ZNG1B: variants seen among roughly 807,000 people sequenced by gnomAD.
ZNG1B encodes the protein zinc-regulated GTPase metalloprotein activator 1B.
chr2:113,453,645 CTTTAG>C, the ZNG1B span, among the ~76,000 whole-genome samples: 1 of 151,186 alleles, frequency 6.6e-6, no homozygotes, highest in African/African-American at 2.4e-5. Flanking sequence ...TCTTTTCACA[CTTTAG>C]TTTAATGATG....
At chr2:113,454,725 G>GT in the ZNG1B span, 4 of 1,573,770 alleles carry the variant, frequency 2.5e-6, no homozygotes, top group African/African-American at 2.7e-5. Context: ...TGATTAAAAT[G>GT]TTTTTTCCTT....
At chr2:113,489,627 C>T in the ZNG1B span, among the ~76,000 whole-genome samples, 4 of 152,116 alleles carry the variant, frequency 2.6e-5, no homozygotes, top group African/African-American at 9.7e-5. Flanking sequence ...TCTCACCTAA[C>T]ACATAAGGAC....
chr2:113,460,660 T>C, the ZNG1B span: 2 of 1,593,778 alleles, frequency 1.3e-6, no homozygotes, highest in South Asian at 2.2e-5. Flanking sequence ...TATTCAAACT[T>C]TTTTTTGTTT....
At chr2:113,465,381 A>T in the ZNG1B span, among the ~76,000 whole-genome samples, 14,033 of 152,058 alleles carry the variant, frequency 0.092, 871 homozygotes, top group Non-Finnish European at 0.13. Flanking sequence ...CAAAACTAAG[A>T]TTACAAAGCC....
the ZNG1B span, among the ~76,000 whole-genome samples, chr2:113,463,319 G>A: frequency 6.6e-6 from 1 of 152,066 alleles, no homozygotes; most frequent in Non-Finnish European, 1.5e-5. Context: ...TCTTTAATGT[G>A]TACAATGCTT....
the ZNG1B span, among the ~76,000 whole-genome samples, chr2:113,485,844 A>C: frequency 6.6e-6 from 1 of 152,232 alleles, no homozygotes; most frequent in Non-Finnish European, 1.5e-5. Flanking sequence ...CCAGTGGGTT[A>C]AAGAAGAAAC....
At chr2:113,483,847 A>T in the ZNG1B span, among the ~76,000 whole-genome samples, 1 of 152,386 alleles carries the variant, frequency 6.6e-6, no homozygotes, top group East Asian at 1.9e-4. Flanking sequence ...AGCAAATTCC[A>T]GACACTATGT....
At chr2:113,456,351 T>C in the ZNG1B span, among the ~76,000 whole-genome samples, 2 of 152,032 alleles carry the variant, frequency 1.3e-5, no homozygotes, top group African/African-American at 4.8e-5. Flanking sequence ...CCCCAAATTA[T>C]TCATTTTGAA....
the ZNG1B span, among the ~76,000 whole-genome samples, chr2:113,490,207 G>A: frequency 6.6e-6 from 1 of 152,064 alleles, no homozygotes; most frequent in Non-Finnish European, 1.5e-5. Flanking sequence ...AACTCCAAAA[G>A]GAACCTTCAA....
the ZNG1B span, among the ~76,000 whole-genome samples, chr2:113,448,321 C>T: frequency 3.3e-5 from 5 of 152,178 alleles, no homozygotes; most frequent in African/African-American, 1.2e-4. Context: ...AGCAGTAGAT[C>T]TCAATGGTGG....
the ZNG1B span, among the ~76,000 whole-genome samples, chr2:113,490,710 G>A: frequency 1.3e-5 from 2 of 151,932 alleles, no homozygotes; most frequent in Non-Finnish European, 2.9e-5. Context: ...ACCTTTACAT[G>A]CATAAACTAG....
the ZNG1B span, among the ~76,000 whole-genome samples, chr2:113,440,075 G>A: frequency 1.2e-3 from 181 of 150,422 alleles, 1 homozygote; most frequent in African/African-American, 4.0e-3. Flanking sequence ...TAGTAGAGAC[G>A]GGGTTTCACC....
chr2:113,452,287 G>A, the ZNG1B span, among the ~76,000 whole-genome samples: 1 of 151,984 alleles, frequency 6.6e-6, no homozygotes, highest in African/African-American at 2.4e-5. Flanking sequence ...TTTCATTGTT[G>A]ACACCGAGTG....
the ZNG1B span, among the ~76,000 whole-genome samples, chr2:113,472,351 A>G: frequency 6.6e-6 from 1 of 151,622 alleles, no homozygotes; most frequent in African/African-American, 2.4e-5. Context: ...TTTCTTGTAA[A>G]TTTGTTTGAG....
the ZNG1B span, chr2:113,468,668 A>T: frequency 1.4e-5 from 2 of 141,548 alleles, no homozygotes; most frequent in Non-Finnish European, 1.5e-5. Flanking sequence ...TCATGGTTTT[A>T]TCTCCAAAGG....
At chr2:113,439,702 G>A in the ZNG1B span, among the ~76,000 whole-genome samples, 29 of 151,976 alleles carry the variant, frequency 1.9e-4, no homozygotes, top group Non-Finnish European at 4.0e-4. Context: ...TACTTCAAAG[G>A]TGCCAAGTGT....
At chr2:113,477,334 C>CTT in the ZNG1B span, among the ~76,000 whole-genome samples, 2 of 152,204 alleles carry the variant, frequency 1.3e-5, no homozygotes, top group East Asian at 3.9e-4. Flanking sequence ...CTCCCTGACC[C>CTT]CCTGCGCTTC....
chr2:113,477,256 A>G, the ZNG1B span, among the ~76,000 whole-genome samples: 1 of 152,156 alleles, frequency 6.6e-6, no homozygotes, highest in Non-Finnish European at 1.5e-5. Flanking sequence ...AAAGCGCAGT[A>G]TTCGGGTGGG....
At chr2:113,441,740 ATTTTATTTTAT>A in the ZNG1B span, 3 of 177,594 alleles carry the variant, frequency 1.7e-5, no homozygotes, top group Non-Finnish European at 3.5e-5. Flanking sequence ...TTTATTTTTT[ATTTTATTTTAT>A]TTTTTTTGAG....
Sources: allele counts gnomAD v4.1 joint callset (sites outside exome capture counted in the v4.1 genomes callset), GRCh38; gene constraint gnomAD v4.1.1; transcripts MANE v1.5; gene names NCBI Gene and HGNC (gene_info 2026-07-23, HGNC 2026-07-21).